Variants in SLC2A7 observed in about 807,000 individuals in gnomAD.
The protein encoded by SLC2A7 is solute carrier family 2 member 7.
A neutral mutation model predicts 50.5 loss-of-function variants in SLC2A7; 50 were observed. That is an observed-to-expected ratio of 0.99 (90% CI 0.79 to 1.25). SLC2A7 has a LOEUF of 1.25. SLC2A7 is among the 50% of genes most tolerant of loss of function. The probability of loss-of-function intolerance (pLI) is 0.00; values close to 1 mark genes in which losing one functional copy is unlikely to be tolerated. For synonymous variants in SLC2A7, 308 were observed against 300.4 expected (o/e 1.03, Z -0.26); for missense variants, 683 against 679.1 (o/e 1.01, Z -0.06).
At chr1:9,024,063 C>T (rs1336703983) in intron 2 of SLC2A7, among the ~76,000 whole-genome samples, 2 of 151,896 alleles carry the variant, frequency 1.3e-5, no homozygotes, top group East Asian at 1.9e-4. Flanking sequence ...ACCATGTTGG[C>T]CAGGCTGGTC....
rs369169147 is a variant in SLC2A7 at position 9,023,088 on chromosome 1, A to G, written c.151-10T>C. The G allele has an allele frequency of 1.2e-6, 2 of 1,611,728 alleles. No individual in the cohort carries two copies. The highest frequency in any genetic ancestry group is 2.7e-5 in the African/African-American group (2 of 74,992). The stretch of plus-strand genomic sequence containing the variant: ...AAAATGACTTGAAGACCTGGAAAAC[A>G]TTGCCCCATCCACAGCTAAGAATAT... On this transcript the variant is annotated splice_polypyrimidine_tract_variant and intron_variant, in intron 2 of 11. Coordinates refer to ENST00000400906, the MANE Select transcript of SLC2A7 (RefSeq NM_207420.3).
At chr1:9,005,275 G>A (rs190103893) in intron 10 of SLC2A7, among the ~76,000 whole-genome samples, 63 of 152,304 alleles carry the variant, frequency 4.1e-4, no homozygotes, top group Non-Finnish European at 7.4e-4. Context: ...GAGACCGCCC[G>A]CGCTTGGGAA....
chr1:8,997,356 T>TA, the SLC2A7 span, among the ~76,000 whole-genome samples: 6 of 152,124 alleles, frequency 3.9e-5, no homozygotes, highest in Non-Finnish European at 5.9e-5. Context: ...CTTTTGCCCA[T>TA]AAAAAAAATT....
At position 9,004,768 on chromosome 1, in the gene SLC2A7, A is replaced by G; in HGVS notation, c.1304T>C (p.Leu435Pro). 1 of 1,614,090 alleles carries G rather than the reference A, an allele frequency of 6.2e-7. No homozygotes were observed. The highest frequency in any genetic ancestry group is 2.2e-5 in the East Asian group (1 of 44,878). Residue 435 changes from leucine (L) to proline (P), a missense_variant, in exon 11 of 12, where the codon CTG becomes CCG. Transcript: ENST00000400906. The stretch of plus-strand genomic sequence containing the variant: ...CTCACTCACCTGGATGGATGGGAAC[A>G]GGAAGCCTATGATGAAGTTGGTGAG... Reference protein sequence around the residue: ...HWLTNFIIGFLFPSIQEAIGA... With the variant: ...HWLTNFIIGFPFPSIQEAIGA...
chr1:9,013,388 C>A, intron 8 of SLC2A7, 137 bp downstream of exon 8: 1 of 627,466 alleles, frequency 1.6e-6, no homozygotes, highest in African/African-American at 1.9e-5. Flanking sequence ...AGTATGTGTG[C>A]ATCCTAAAGT....
downstream of SLC2A7, among the ~76,000 whole-genome samples, chr1:8,998,875 C>T (rs1032986024): frequency 7.2e-5 from 11 of 152,122 alleles, no homozygotes; most frequent in African/African-American, 7.2e-5. Context: ...TGTATCTATG[C>T]TCATGAGTGA....
chr1:9,018,125 A>T (rs1640857124), intron 5 of SLC2A7, 98 bp downstream of exon 5: 8 of 1,517,400 alleles, frequency 5.3e-6, no homozygotes, highest in Non-Finnish European at 7.2e-6. Flanking sequence ...TGACCCTAAA[A>T]TCATCTCTCG....
At chr1:9,009,076 G>T (rs1268535548) in intron 9 of SLC2A7, among the ~76,000 whole-genome samples, 4 of 152,200 alleles carry the variant, frequency 2.6e-5, no homozygotes, top group Non-Finnish European at 5.9e-5. Flanking sequence ...TGCACTCTCT[G>T]GTGGTTAAGG....
intron 3 of SLC2A7, among the ~76,000 whole-genome samples, chr1:9,022,652 G>A (rs191584920): frequency 6.2e-5 from 9 of 145,414 alleles, no homozygotes; most frequent in African/African-American, 1.5e-4. Flanking sequence ...GCTAAGCACC[G>A]TCAAGAACCT....
rs1178117033 is a variant in SLC2A7 at position 9,014,689 on chromosome 1, T to G, written c.895A>C (p.Ile299Leu). The change falls in exon 7 of 12, where the codon ATC becomes CTC. Residue 299 changes from isoleucine (I) to leucine (L), a missense_variant. Ile to Leu is a conservative substitution (Grantham distance 5). Transcript: ENST00000400906. ...GCCACCGTCCCACATACCGCATTGA[T>G]GCCCGACAGCTGCTGGCCGGCCATG... is the stretch of plus-strand genomic sequence containing the variant. ...VLMAGQQLSG[I>L]NAINYYADTI... is the part of the protein sequence containing the mutation. 1.9e-6 allele frequency: 3 copies of G among 1,556,420 alleles called. No individual in the cohort carries two copies. The highest frequency in any genetic ancestry group is 2.6e-6 in the Non-Finnish European group (3 of 1,149,896).
chr1:9,014,540 T>G (rs1640796611), intron 7 of SLC2A7, 141 bp downstream of exon 7: 1 of 999,284 alleles, frequency 1.0e-6, no homozygotes, highest in South Asian at 1.7e-5. Context: ...GGAGTGAGGT[T>G]TCTTCCTGAC....
At chr1:9,005,367 TCCTTAAGAAG>T (rs1640640999) in intron 10 of SLC2A7, among the ~76,000 whole-genome samples, 1 of 152,204 alleles carries the variant, frequency 6.6e-6, no homozygotes, top group Non-Finnish European at 1.5e-5. Context: ...CATTATCGCT[TCCTTAAGAAG>T]CCTTGTCTAA....
intron 1 of SLC2A7, among the ~76,000 whole-genome samples, 168 bp downstream of exon 1, chr1:9,026,127 A>G (rs772959063): frequency 6.6e-6 from 1 of 152,204 alleles, no homozygotes; most frequent in Non-Finnish European, 1.5e-5. Context: ...ATGAGGTTTG[A>G]GCATAGCTGC....
chr1:9,013,470 T>C lies in SLC2A7; in HGVS notation c.1014+55A>G, dbSNP rs564023069. 8.6e-6 allele frequency: 13 copies of C among 1,508,526 alleles called. 1 individual carries two copies. In the African/African-American group the frequency reaches 1.1e-4, roughly 13 times the overall value. The allele number at this position is 1,508,526 out of a possible 1,614,324, so 93.4% of individuals were successfully genotyped here. On this transcript the variant is annotated intron_variant, in intron 8 of 11. Coordinates refer to ENST00000400906, the MANE Select transcript of SLC2A7 (RefSeq NM_207420.3). Reference sequence around the variant, plus strand: ...TCACTCTGTGGGGCTCCTGTCTGCCTGGCGGCACCTGGCCAGAGACCCTCC... The same window carrying C: ...TCACTCTGTGGGGCTCCTGTCTGCCCGGCGGCACCTGGCCAGAGACCCTCC...
At position 9,015,214 on chromosome 1, in the gene SLC2A7, C is replaced by T; in HGVS notation, c.618G>A (p.Gly206=). The T allele has an allele frequency of 1.2e-6, 2 of 1,605,742 alleles. No homozygotes were observed. The highest frequency in any genetic ancestry group is 1.7e-6 in the Non-Finnish European group (2 of 1,177,316). ...AGWPVLLALT[G]VPALLQLLTL... ...TCAGCAGCTGCAGCAGGGCGGGCAC[C>T]CCTGTGAGCGCCAGAAGCACCGGCC... Residue 206 remains glycine, a synonymous_variant, in exon 6 of 12, where the codon GGG becomes GGA. Transcript: ENST00000400906.
At chr1:8,996,362 C>CT in the SLC2A7 span, among the ~76,000 whole-genome samples, 2 of 152,222 alleles carry the variant, frequency 1.3e-5, no homozygotes, top group African/African-American at 4.8e-5. Flanking sequence ...TAGTTCGTGT[C>CT]TTTTTATTGC....
At chr1:8,995,894 A>G in the SLC2A7 span, among the ~76,000 whole-genome samples, 1 of 152,038 alleles carries the variant, frequency 6.6e-6, no homozygotes, top group East Asian at 1.9e-4. Flanking sequence ...CAGCCTCCCA[A>G]GTAGCTGGGA....
chr1:9,020,260 A>G (rs1330553705), intron 3 of SLC2A7, among the ~76,000 whole-genome samples: 1 of 152,194 alleles, frequency 6.6e-6, no homozygotes, highest in Non-Finnish European at 1.5e-5. Context: ...CCCAGGAGGT[A>G]GAGAGCTTCC....
chr1:9,003,351 G>T lies in SLC2A7; in HGVS notation c.1488C>A (p.Thr496=). 6.2e-7 allele frequency: 1 copy of T among 1,614,164 alleles called. No homozygotes were observed. The highest frequency in any genetic ancestry group is 8.5e-7 in the Non-Finnish European group (1 of 1,180,034). Residue 496 remains threonine, a synonymous_variant, in exon 12 of 12, where the codon ACC becomes ACA. Transcript: ENST00000400906. Reference sequence around the variant, plus strand: ...AGGCTGTGGGAGGCCCAGCATCAATGGTTTCTTCTTTCTCCTCTGGAAGCT... The same window carrying T: ...AGGCTGTGGGAGGCCCAGCATCAATTGTTTCTTCTTTCTCCTCTGGAAGCT... ...RVKLPEEKEE[T]IDAGPPTASP...
Sources: allele counts gnomAD v4.1 joint callset (sites outside exome capture counted in the v4.1 genomes callset), GRCh38; gene constraint gnomAD v4.1.1; transcripts MANE v1.5; gene names NCBI Gene and HGNC (gene_info 2026-07-23, HGNC 2026-07-21).